ITM2B: variants seen among roughly 807,000 people sequenced by gnomAD.
ITM2B encodes the protein integral membrane protein 2B.
ITM2B carries 11 observed loss-of-function variants against 27.8 expected under a neutral mutation model. That is an observed-to-expected ratio of 0.40 (90% CI 0.25 to 0.66). The LOEUF is 0.66. Ranked by LOEUF, ITM2B falls within the 30% of genes least tolerant of loss-of-function variation. The pLI is 0.43. For missense variants in ITM2B, 296 were observed against 328.9 expected (o/e 0.90, Z 0.77); for synonymous variants, 114 against 114.3 (o/e 1.00, Z 0.02).
chr13:48,240,388 A>AT (rs1566158326), intron 1 of ITM2B, among the ~76,000 whole-genome samples: 1 of 152,000 alleles, frequency 6.6e-6, no homozygotes, highest in Non-Finnish European at 1.5e-5. Context: ...TGTATTTTTA[A>AT]TAGAGACGGG....
chr13:48,241,613 A>G (rs543873272), intron 1 of ITM2B, among the ~76,000 whole-genome samples: 1 of 152,326 alleles, frequency 6.6e-6, no homozygotes, highest in Non-Finnish European at 1.5e-5. Context: ...CAGGATCCCA[A>G]AGAGCTTTTG....
intron 4 of ITM2B, 76 bp from the exon 5 acceptor site, chr13:48,258,721 A>T: frequency 1.5e-6 from 2 of 1,362,798 alleles, no homozygotes; most frequent in African/African-American, 1.4e-5. Flanking sequence ...AATGTGTAAG[A>T]ATTTTGTCTT....
chr13:48,233,260 C>G lies in ITM2B; in HGVS notation c.-101C>G. On this transcript the variant is annotated 5_prime_UTR_variant, in exon 1 of 6. Transcript: ENST00000647800. ...CCGAACCTCTTCAGCCGCCCGGAGC[C>G]GCTCCCGGAGCCCGGCCGTAGAGGC... 1.5e-6 allele frequency: 1 copy of G among 684,524 alleles called. No individual in the cohort carries two copies. Among genetic ancestry groups the G allele is most frequent in the South Asian group, 2.0e-5 (1 of 49,336 alleles). The allele number at this position is 684,524 out of a possible 1,614,324, so 42.4% of individuals were successfully genotyped here. A position where few individuals can be genotyped will look rare whatever the true frequency, so the allele number is the denominator to read the frequency against.
At chr13:48,239,938 T>C (rs1951690220) in intron 1 of ITM2B, among the ~76,000 whole-genome samples, 1 of 152,180 alleles carries the variant, frequency 6.6e-6, no homozygotes, top group African/African-American at 2.4e-5. Flanking sequence ...ATATTTCTCC[T>C]TTTTGCCCAG....
intron 4 of ITM2B, 150 bp from the exon 5 acceptor site, chr13:48,258,647 C>A: frequency 1.4e-6 from 1 of 731,952 alleles, no homozygotes; most frequent in Non-Finnish European, 2.4e-6. Context: ...CCAGCCTGGA[C>A]AACATAGTGA....
rs545067565 is a variant in ITM2B, at chr13:48,260,535, A to G, written c.716-604A>G. ...CTCCCTCCCTCCCTCCCTTCCTTAT[A>G]GTCCTCAGTATGTATCATTCCCATC... On this transcript the variant is annotated intron_variant, in intron 5 of 5. Transcript: ENST00000647800. Among the ~76,000 whole-genome samples the G allele has an allele frequency of 2.0e-5, 3 of 150,938 alleles. No homozygotes were observed. The East Asian group carries it at 5.9e-4, about 30-fold the overall frequency.
At chr13:48,239,975 G>C (rs1009772213) in intron 1 of ITM2B, among the ~76,000 whole-genome samples, 2 of 152,092 alleles carry the variant, frequency 1.3e-5, no homozygotes, top group Non-Finnish European at 2.9e-5. Flanking sequence ...TTGGGGAGGG[G>C]CTGCTGCTAT....
chr13:48,260,757 AT>A (rs1454938309), intron 5 of ITM2B, among the ~76,000 whole-genome samples: 2 of 151,912 alleles, frequency 1.3e-5, no homozygotes, highest in Non-Finnish European at 2.9e-5. Context: ...TTGGTTCATA[AT>A]TTTTTTTAAA....
intron 1 of ITM2B, among the ~76,000 whole-genome samples, chr13:48,248,766 C>A (rs1366706760): frequency 6.6e-6 from 1 of 152,170 alleles, no homozygotes; most frequent in Non-Finnish European, 1.5e-5. Flanking sequence ...TTCTGTTGGG[C>A]CACATTCAAA....
intron 1 of ITM2B, among the ~76,000 whole-genome samples, chr13:48,252,886 A>G (rs1419272189): frequency 6.6e-6 from 1 of 152,202 alleles, no homozygotes; most frequent in African/African-American, 2.4e-5. Context: ...TTGCACATGA[A>G]CTTGGGTACA....
rs934723673 is a variant in ITM2B, at chr13:48,261,567, T to A, written c.*343T>A. ...AGACGGATTATCTAGAGAATAATCATATATATGCATACGTAAAAATGGACC... is the reference window on the plus strand; with the variant it reads ...AGACGGATTATCTAGAGAATAATCAAATATATGCATACGTAAAAATGGACC... On this transcript the variant is annotated 3_prime_UTR_variant, in exon 6 of 6. Transcript: ENST00000647800. 1 of 180,616 alleles carries A rather than the reference T, an allele frequency of 5.5e-6. No individual in the cohort carries two copies. 11.2% of individuals were successfully genotyped at this position (180,616 alleles called of 1,614,324 possible). A position where few individuals can be genotyped will look rare whatever the true frequency, so the allele number is the denominator to read the frequency against.
Position 48,255,327 on chromosome 13 carries a change from T to C in ITM2B, c.247-850T>C, listed in dbSNP as rs555115895. ...CTTTTTTTGAGATGGGGTCTCACTC[T>C]GTCATCCAGGCTGGAGTGCGGTGGT... is the stretch of plus-strand genomic sequence containing the variant. On this transcript the variant is annotated intron_variant, in intron 2 of 5. Coordinates refer to ENST00000647800, the MANE Select transcript of ITM2B (RefSeq NM_021999.5). 1.2e-4 allele frequency among the ~76,000 whole-genome samples: 18 copies of C among 152,262 alleles called. No homozygotes were observed. In the South Asian group the frequency reaches 2.7e-3, roughly 23 times the overall value.
chr13:48,257,651 C>T (rs1951797626), intron 3 of ITM2B, among the ~76,000 whole-genome samples: 1 of 152,098 alleles, frequency 6.6e-6, no homozygotes, highest in South Asian at 2.1e-4. Context: ...TCTTAAAAAC[C>T]GTTCTATGAG....
intron 1 of ITM2B, among the ~76,000 whole-genome samples, chr13:48,253,217 A>T (rs1242889504): frequency 6.6e-6 from 1 of 152,196 alleles, no homozygotes; most frequent in East Asian, 1.9e-4. Flanking sequence ...ATTTCTATGT[A>T]TATAATTTTG....
At chr13:48,247,038 G>T (rs1373439157) in intron 1 of ITM2B, among the ~76,000 whole-genome samples, 2 of 152,194 alleles carry the variant, frequency 1.3e-5, no homozygotes, top group East Asian at 3.8e-4. Context: ...ATGTTGGCCA[G>T]GATGGTCTCG....
Position 48,268,931 on chromosome 13 carries a change from A to G in ITM2B, c.*7707A>G, listed in dbSNP as rs980725078. 2 of 152,210 alleles carry G rather than the reference A, an allele frequency of 1.3e-5. No individual in the cohort carries two copies. The highest frequency in any genetic ancestry group is 2.9e-5 in the Non-Finnish European group (2 of 68,034). 9.4% of individuals were successfully genotyped at this position (152,210 alleles called of 1,614,324 possible). A position where few individuals can be genotyped will look rare whatever the true frequency, so the allele number is the denominator to read the frequency against. On this transcript the variant is annotated 3_prime_UTR_variant, in exon 6 of 6. Coordinates refer to ENST00000647800, the MANE Select transcript of ITM2B (RefSeq NM_021999.5). ...AATTTCAGTTTCTCATTGTTTTAGA[A>G]TGGAAGGTCTAACCAAATATGTAAT...
rs1464433919 is a variant in ITM2B at position 48,244,961 on chromosome 13, G to A, written c.118-8847G>A. ...ACATTTACCTGTTTGTGCTAATCTA[G>A]GCTTTTTGCTATCCCAGTGCCTTTT... On this transcript the variant is annotated intron_variant, in intron 1 of 5. Coordinates refer to ENST00000647800, the MANE Select transcript of ITM2B (RefSeq NM_021999.5). Among the ~76,000 whole-genome samples, 10 of 152,254 alleles carry A rather than the reference G, an allele frequency of 6.6e-5. No homozygotes were observed. In the East Asian group the frequency reaches 1.3e-3, roughly 21 times the overall value.
chr13:48,238,765 A>G (rs905297147), intron 1 of ITM2B, among the ~76,000 whole-genome samples: 3 of 152,216 alleles, frequency 2.0e-5, no homozygotes, highest in Admixed American at 6.5e-5. Flanking sequence ...ATACTTTAAA[A>G]AACAAGTTTG....
Position 48,258,189 on chromosome 13 carries a change from A to C in ITM2B, c.517A>C (p.Ile173Leu), listed in dbSNP as rs758048491. ...CTATGTGATCCCTCTGAACACTTCCATTGTTATGCCACCCAGAAACCTACT... is the reference window on the plus strand; with the variant it reads ...CTATGTGATCCCTCTGAACACTTCCCTTGTTATGCCACCCAGAAACCTACT... The part of the protein sequence containing the change: ...KCYVIPLNTS[I>L]VMPPRNLLEL... Residue 173 changes from isoleucine to leucine, a missense_variant, in exon 4 of 6, where the codon ATT becomes CTT. Coordinates refer to ENST00000647800, the MANE Select transcript of ITM2B (RefSeq NM_021999.5). The C allele has an allele frequency of 7.5e-6, 12 of 1,604,740 alleles. No homozygotes were observed. Among genetic ancestry groups the C allele is most frequent in the Non-Finnish European group, 1.0e-5 (12 of 1,171,744 alleles).
Sources: gnomAD v4.1 joint callset for allele counts (sites outside exome capture counted in the v4.1 genomes callset) on GRCh38, gnomAD v4.1.1 for gene constraint, MANE v1.5 for transcripts, NCBI Gene and HGNC (gene_info 2026-07-23, HGNC 2026-07-21) for gene names.